Variants in UST observed in about 807,000 individuals in gnomAD.
UST encodes the protein uronyl 2-sulfotransferase.
UST carries 21 observed loss-of-function variants against 45.6 expected under a neutral mutation model. That is an observed-to-expected ratio of 0.46 (90% confidence interval 0.33 to 0.66). UST has a LOEUF of 0.66. Ranked by LOEUF, UST falls within the 30% of genes least tolerant of loss-of-function variation. The pLI is 0.02. For synonymous variants in UST, 215 were observed against 200.6 expected (o/e 1.07, Z -0.61); for missense variants, 463 against 512.4 (o/e 0.90, Z 0.93).
chr6:148,777,445 G>C (rs894117603), intron 1 of UST, among the ~76,000 whole-genome samples: 13 of 152,238 alleles, frequency 8.5e-5, no homozygotes, highest in Non-Finnish European at 1.8e-4. Flanking sequence ...TTATTGTATA[G>C]TCATGTGCCA....
At chr6:148,989,293 G>C (rs1781303724) in intron 5 of UST, among the ~76,000 whole-genome samples, 1 of 149,022 alleles carries the variant, frequency 6.7e-6, no homozygotes, top group African/African-American at 2.5e-5. Flanking sequence ...GAAGGACTGA[G>C]AATGAATTAT....
chr6:149,025,881 G>T (rs1446427954), intron 7 of UST, among the ~76,000 whole-genome samples: 1 of 152,028 alleles, frequency 6.6e-6, no homozygotes. Flanking sequence ...AGGCGTGGTG[G>T]CTCACACCTG....
At chr6:148,952,067 T>C (rs1230127731) in intron 3 of UST, among the ~76,000 whole-genome samples, 1 of 152,264 alleles carries the variant, frequency 6.6e-6, no homozygotes, top group Non-Finnish European at 1.5e-5. Flanking sequence ...ATGACTCTTC[T>C]GTGTGCAGAG....
chr6:148,870,767 A>G (rs1249619930), intron 1 of UST, among the ~76,000 whole-genome samples: 2 of 152,112 alleles, frequency 1.3e-5, no homozygotes, highest in Non-Finnish European at 2.9e-5. Flanking sequence ...ATCTCCTGGG[A>G]TGCTCTCACC....
At chr6:148,862,871 T>G (rs1389929263) in intron 1 of UST, among the ~76,000 whole-genome samples, 1 of 152,226 alleles carries the variant, frequency 6.6e-6, no homozygotes, top group Non-Finnish European at 1.5e-5. Flanking sequence ...AGACCAGCTG[T>G]TAGTCTGATG....
In UST at chr6:149,044,201, A is replaced by G. The variant is rs1302572646; in HGVS notation, c.937+22720A>G. Among the ~76,000 whole-genome samples the G allele has an allele frequency of 2.6e-5, 4 of 152,340 alleles. No homozygotes were observed. The East Asian group carries it at 7.7e-4, about 29-fold the overall frequency. ...TAACTTAATTCCTAGTAAAACTTGA[A>G]TCAATTTCATGAGGGTTTTGCTAAA... is the stretch of plus-strand genomic sequence containing the variant. On this transcript the variant is annotated intron_variant, in intron 7 of 7. Coordinates refer to ENST00000367463, the MANE Select transcript of UST (RefSeq NM_005715.3).
chr6:148,925,596 G>A (rs775880431), intron 2 of UST, among the ~76,000 whole-genome samples: 1 of 152,186 alleles, frequency 6.6e-6, no homozygotes, highest in East Asian at 1.9e-4. Context: ...TAATGTCAAA[G>A]CCTACTAAAT....
intron 2 of UST, among the ~76,000 whole-genome samples, chr6:148,907,734 A>G (rs1034056337): frequency 6.6e-6 from 1 of 152,174 alleles, no homozygotes; most frequent in African/African-American, 2.4e-5. Flanking sequence ...ACTCTGCAAT[A>G]CGTACAGAGC....
At chr6:149,016,784 G>A (rs1582961052) in intron 5 of UST, among the ~76,000 whole-genome samples, 2 of 152,152 alleles carry the variant, frequency 1.3e-5, no homozygotes, top group African/African-American at 4.8e-5. Context: ...GTCCTTCTTT[G>A]TGAAATCTCG....
chr6:148,923,673 G>A (rs149566049), intron 2 of UST, among the ~76,000 whole-genome samples: 2,529 of 152,250 alleles, frequency 0.017, 79 homozygotes, highest in African/African-American at 0.058. Flanking sequence ...TTGGGAGGCC[G>A]AGGCGGGTGG....
intron 5 of UST, among the ~76,000 whole-genome samples, chr6:149,012,984 A>G (rs1562329435): frequency 2.0e-5 from 3 of 152,142 alleles, no homozygotes; most frequent in Admixed American, 1.3e-4. Flanking sequence ...CTATGAGGCA[A>G]GTATTATTGT....
chr6:148,789,389 C>T (rs1332171306), intron 1 of UST, among the ~76,000 whole-genome samples: 1 of 151,856 alleles, frequency 6.6e-6, no homozygotes, highest in Non-Finnish European at 1.5e-5. Context: ...ATATGAACCA[C>T]ACTTTTGAGT....
intron 5 of UST, among the ~76,000 whole-genome samples, chr6:148,987,954 C>G (rs1781267439): frequency 6.6e-6 from 1 of 152,062 alleles, no homozygotes; most frequent in Admixed American, 6.6e-5. Flanking sequence ...GGACTATGCT[C>G]TCGAGGAATT....
intron 1 of UST, among the ~76,000 whole-genome samples, chr6:148,800,658 A>C (rs2114716431): frequency 6.6e-6 from 1 of 152,288 alleles, no homozygotes; most frequent in East Asian, 1.9e-4. Context: ...GATTGCCAAA[A>C]AAAAAGGGGT....
chr6:148,889,309 A>G (rs1375069883), intron 2 of UST, among the ~76,000 whole-genome samples: 1 of 152,246 alleles, frequency 6.6e-6, no homozygotes, highest in Non-Finnish European at 1.5e-5. Flanking sequence ...TTTTACTGTT[A>G]ATAGCCTAGA....
intron 7 of UST, among the ~76,000 whole-genome samples, chr6:149,070,292 A>G (rs1287874931): frequency 2.0e-5 from 3 of 152,220 alleles, no homozygotes; most frequent in African/African-American, 7.2e-5. Flanking sequence ...TTAAAAAACA[A>G]AAAGGAACAC....
intron 1 of UST, among the ~76,000 whole-genome samples, chr6:148,784,123 T>C (rs542334577): frequency 1.3e-5 from 2 of 152,288 alleles, no homozygotes; most frequent in African/African-American, 4.8e-5. Context: ...GTGAATAATT[T>C]ATGAAAGAAA....
chr6:148,769,636 A>G (rs1008212570), intron 1 of UST, among the ~76,000 whole-genome samples: 1 of 152,196 alleles, frequency 6.6e-6, no homozygotes, highest in African/African-American at 2.4e-5. Context: ...TACTGTGGAA[A>G]TTTGCATTTG....
chr6:148,943,407 G>A (rs1013150463), intron 3 of UST, among the ~76,000 whole-genome samples: 1 of 152,182 alleles, frequency 6.6e-6, no homozygotes, highest in Non-Finnish European at 1.5e-5. Context: ...AATGTGCCTT[G>A]GGATTTTATA....
Sources: allele counts gnomAD v4.1 joint callset (sites outside exome capture counted in the v4.1 genomes callset), GRCh38; gene constraint gnomAD v4.1.1; transcripts MANE v1.5; gene names NCBI Gene and HGNC (gene_info 2026-07-23, HGNC 2026-07-21).